The following LRCH1 variants were observed in gnomAD, a reference collection of about 807,000 sequenced individuals.
The protein encoded by LRCH1 is leucine-rich repeat and calponin homology domain-containing protein 1.
LRCH1 carries 23 observed loss-of-function variants against 94.9 expected under a neutral mutation model. That is an observed-to-expected ratio of 0.24 (90% confidence interval 0.17 to 0.34). LRCH1 has a LOEUF of 0.34. Among genes scored for constraint, LRCH1 ranks in the 10% least tolerant of loss-of-function variants. LRCH1 has a pLI of 1.00. For synonymous variants in LRCH1, 364 were observed against 354.9 expected (o/e 1.03, Z -0.29); for missense variants, 790 against 945.9 (o/e 0.84, Z 2.16).
At chr13:46,667,804 T>C (rs1241447245) in intron 2 of LRCH1, among the ~76,000 whole-genome samples, 1 of 152,236 alleles carries the variant, frequency 6.6e-6, no homozygotes, top group East Asian at 1.9e-4. Flanking sequence ...GTAGAAAGTT[T>C]GGAAAATACA....
intron 2 of LRCH1, among the ~76,000 whole-genome samples, chr13:46,653,538 T>C (rs2051333236): frequency 6.6e-6 from 1 of 152,088 alleles, no homozygotes; most frequent in Non-Finnish European, 1.5e-5. Flanking sequence ...TAACATAAAA[T>C]AGTAGGCTGG....
At chr13:46,566,224 T>C (rs1242959953) in intron 1 of LRCH1, among the ~76,000 whole-genome samples, 2 of 152,200 alleles carry the variant, frequency 1.3e-5, no homozygotes, top group Non-Finnish European at 2.9e-5. Flanking sequence ...GCTCTGAAGA[T>C]GAATAGCAAA....
chr13:46,567,269 T>C (rs2050194397), intron 1 of LRCH1, among the ~76,000 whole-genome samples: 1 of 152,224 alleles, frequency 6.6e-6, no homozygotes, highest in Admixed American at 6.5e-5. Flanking sequence ...TAAAAATATG[T>C]TTTATTTTGT....
At chr13:46,676,843 T>G (rs1484131280) in intron 3 of LRCH1, among the ~76,000 whole-genome samples, 2 of 152,170 alleles carry the variant, frequency 1.3e-5, no homozygotes, top group Non-Finnish European at 2.9e-5. Context: ...AGTGCCATGG[T>G]CACAGCTCAC....
chr13:46,710,750 T>G (rs1242831863), intron 13 of LRCH1, among the ~76,000 whole-genome samples: 2 of 152,216 alleles, frequency 1.3e-5, no homozygotes, highest in African/African-American at 2.4e-5. Context: ...ACAGGCATCT[T>G]AAATGTACAA....
At chr13:46,580,143 A>C (rs1164996865) in intron 1 of LRCH1, among the ~76,000 whole-genome samples, 4 of 152,182 alleles carry the variant, frequency 2.6e-5, no homozygotes, top group African/African-American at 9.6e-5. Context: ...CTAATTTTTA[A>C]ATAAGTTCTG....
At chr13:46,619,482 A>G (rs1198123273) in intron 1 of LRCH1, among the ~76,000 whole-genome samples, 1 of 152,168 alleles carries the variant, frequency 6.6e-6, no homozygotes, top group Non-Finnish European at 1.5e-5. Flanking sequence ...GTGACCAGGA[A>G]TTTTCGGGAA....
intron 19 of LRCH1, among the ~76,000 whole-genome samples, chr13:46,735,879 C>T (rs1566257956): frequency 1.3e-5 from 2 of 148,950 alleles, no homozygotes; most frequent in African/African-American, 4.9e-5. Flanking sequence ...TCACTGCAAC[C>T]TCCACTTCCC....
At position 46,723,597 on chromosome 13, in the gene LRCH1, T is replaced by C. The variant is rs139245248; in HGVS notation, c.1869+267T>C. On this transcript the variant is annotated intron_variant, in intron 17 of 19. Transcript: ENST00000389797. ...AGGCTGATCACTTAAGTCCAGGAGT[T>C]TGAGACCAGTATGGCCAACATGGTG... Among the ~76,000 whole-genome samples, 546 of 152,292 alleles carry C rather than the reference T, an allele frequency of 3.6e-3. 2 individuals are homozygous for C. The highest frequency in any genetic ancestry group is 0.013 in the African/African-American group (529 of 41,542).
downstream of LRCH1, among the ~76,000 whole-genome samples, chr13:46,747,004 G>A (rs192586897): frequency 6.6e-6 from 1 of 152,288 alleles, no homozygotes; most frequent in Admixed American, 6.5e-5. Context: ...CTTGTATAAG[G>A]TTTCTGTTTT....
rs536479059 is a variant in LRCH1 at position 46,661,761 on chromosome 13, A to G, written c.453-7269A>G. 3.3e-5 allele frequency among the ~76,000 whole-genome samples: 5 copies of G among 152,334 alleles called. No homozygotes were observed. The South Asian group carries it at 1.0e-3, about 32-fold the overall frequency. ...ATAAATGGAGAGGAACGCGTCTTCA[A>G]GTGGTAAATGGCAATATGCAGGCAT... On this transcript the variant is annotated intron_variant, in intron 2 of 19. Coordinates refer to ENST00000389797, the MANE Select transcript of LRCH1 (RefSeq NM_001164211.2).
At chr13:46,644,029 A>T (rs2051191268) in intron 1 of LRCH1, among the ~76,000 whole-genome samples, 1 of 152,208 alleles carries the variant, frequency 6.6e-6, no homozygotes, top group Non-Finnish European at 1.5e-5. Context: ...TATCTTCCTG[A>T]TAATAAAGCT....
At chr13:46,691,413 A>G (rs1051850796) in intron 7 of LRCH1, among the ~76,000 whole-genome samples, 2 of 152,236 alleles carry the variant, frequency 1.3e-5, no homozygotes, top group African/African-American at 4.8e-5. Context: ...TATATATGTG[A>G]TGCAGCTTCC....
At chr13:46,570,232 G>A (rs922182485) in intron 1 of LRCH1, among the ~76,000 whole-genome samples, 16 of 152,178 alleles carry the variant, frequency 1.1e-4, no homozygotes, top group African/African-American at 3.9e-4. Context: ...GCAAGACTGG[G>A]ATTCGGTTTG....
Position 46,553,420 on chromosome 13 carries a change from C to G in LRCH1, c.24C>G (p.Pro8=). The part of the protein sequence containing the change: MATPGSE[P]QPFVPALSVA... ...AGATGGCGACGCCGGGAAGCGAACC[C>G]CAACCTTTCGTCCCGGCCCTTTCGG... Residue 8 remains proline (P), a synonymous_variant, in exon 1 of 20, where the codon CCC becomes CCG. Transcript: ENST00000389797. 1.9e-6 allele frequency: 3 copies of G among 1,546,464 alleles called. No individual in the cohort carries two copies. The highest frequency in any genetic ancestry group is 1.2e-5 in the South Asian group (1 of 83,962).
downstream of LRCH1, among the ~76,000 whole-genome samples, chr13:46,746,973 A>G (rs1022844933): frequency 1.3e-5 from 2 of 152,208 alleles, no homozygotes; most frequent in Non-Finnish European, 2.9e-5. Flanking sequence ...ATCCTGTGAT[A>G]GAATAACCAG....
chr13:46,622,642 A>C (rs993812987), intron 1 of LRCH1, among the ~76,000 whole-genome samples: 2 of 152,230 alleles, frequency 1.3e-5, no homozygotes, highest in African/African-American at 4.8e-5. Flanking sequence ...AATAAATTCA[A>C]GGGGAACTGC....
At chr13:46,613,938 C>G (rs549324247) in intron 1 of LRCH1, among the ~76,000 whole-genome samples, 145 of 152,224 alleles carry the variant, frequency 9.5e-4, no homozygotes, top group African/African-American at 3.4e-3. Flanking sequence ...CTTAGGTGAG[C>G]CAGGTTGCTT....
intron 1 of LRCH1, among the ~76,000 whole-genome samples, chr13:46,643,527 TC>T (rs1406475106): frequency 1.3e-5 from 2 of 152,210 alleles, no homozygotes; most frequent in African/African-American, 4.8e-5. Context: ...TATCTTTCGC[TC>T]CCACTGTTTG....
Sources: gnomAD v4.1 joint callset for allele counts (sites outside exome capture counted in the v4.1 genomes callset) on GRCh38, gnomAD v4.1.1 for gene constraint, MANE v1.5 for transcripts, NCBI Gene and HGNC (gene_info 2026-07-23, HGNC 2026-07-21) for gene names.